WWOX: variants seen among roughly 807,000 people sequenced by gnomAD.
WWOX encodes the protein WW domain-containing oxidoreductase.
A neutral mutation model predicts 46.2 loss-of-function variants in WWOX; 69 were observed. That is an observed-to-expected ratio of 1.49 (90% confidence interval 1.23 to 1.82). The LOEUF (loss-of-function observed/expected upper bound fraction) is 1.82. Among genes scored for constraint, WWOX ranks in the 40% most tolerant of loss-of-function variants. The pLI, the probability that WWOX is intolerant of heterozygous loss-of-function variation, is 0.00. For synonymous variants in WWOX, 359 were observed against 202.6 expected (o/e 1.77, Z -6.56); for missense variants, 919 against 542.6 (o/e 1.69, Z -6.89).
intron 8 of WWOX, among the ~76,000 whole-genome samples, chr16:78,954,681 T>A (rs2046129514): frequency 6.6e-6 from 1 of 152,152 alleles, no homozygotes; most frequent in Admixed American, 6.5e-5. Context: ...ATAAATAAAT[T>A]CCTGTAATGG....
At chr16:78,541,189 G>T (rs992444634) in intron 8 of WWOX, among the ~76,000 whole-genome samples, 3 of 151,932 alleles carry the variant, frequency 2.0e-5, no homozygotes, top group African/African-American at 4.8e-5. Context: ...AAATAGACAC[G>T]TACGGCCGGG....
At chr16:78,314,676 C>T (rs2080319500) in intron 5 of WWOX, among the ~76,000 whole-genome samples, 2 of 147,320 alleles carry the variant, frequency 1.4e-5, no homozygotes, top group East Asian at 2.1e-4. Context: ...AGGCACACCC[C>T]ACCCTGCAGG....
chr16:78,758,214 A>G (rs773458111), intron 8 of WWOX, among the ~76,000 whole-genome samples: 12 of 152,200 alleles, frequency 7.9e-5, no homozygotes, highest in Admixed American at 2.6e-4. Context: ...AGATAAACCT[A>G]TATACAAAGA....
At chr16:79,069,573 T>A (rs1031141842) in intron 8 of WWOX, among the ~76,000 whole-genome samples, 5 of 149,154 alleles carry the variant, frequency 3.4e-5, no homozygotes, top group Admixed American at 2.0e-4. Flanking sequence ...TTTTTTTTTT[T>A]AAAGCTAATA....
intron 8 of WWOX, among the ~76,000 whole-genome samples, chr16:78,845,848 G>C (rs774942790): frequency 1.1e-4 from 17 of 152,200 alleles, no homozygotes; most frequent in Non-Finnish European, 2.1e-4. Flanking sequence ...GTGAATATGA[G>C]AGTGAATATT....
rs148050403 is a variant in WWOX, at chr16:78,805,079, A to G, written c.1056+372327A>G. Among the ~76,000 whole-genome samples the G allele has an allele frequency of 4.8e-3, 732 of 152,332 alleles. 7 individuals are homozygous for G. Among genetic ancestry groups the G allele is most frequent in the African/African-American group, 0.017 (692 of 41,568 alleles). On this transcript the variant is annotated intron_variant, in intron 8 of 8. Coordinates refer to ENST00000566780, the MANE Select transcript of WWOX (RefSeq NM_016373.4). ...CTTAAAAATAAAAGTACTTTTCTGC[A>G]TGTGGTCTTGTACATGAAATTAAGA... is the stretch of plus-strand genomic sequence containing the variant.
At chr16:79,176,913 C>T (rs1419289759) in intron 8 of WWOX, among the ~76,000 whole-genome samples, 1 of 152,154 alleles carries the variant, frequency 6.6e-6, no homozygotes, top group Non-Finnish European at 1.5e-5. Context: ...TTTGGCTCCC[C>T]TTCCTGTGAA....
intron 5 of WWOX, among the ~76,000 whole-genome samples, chr16:78,365,632 G>A (rs1275220378): frequency 1.3e-5 from 2 of 152,166 alleles, no homozygotes; most frequent in Non-Finnish European, 2.9e-5. Flanking sequence ...TCTATAGACT[G>A]CCTACCACCT....
intron 8 of WWOX, among the ~76,000 whole-genome samples, chr16:79,107,002 G>T (rs773917844): frequency 6.6e-6 from 1 of 151,750 alleles, no homozygotes; most frequent in Non-Finnish European, 1.5e-5. Flanking sequence ...GTAGAGTTGG[G>T]GTTTCACCAT....
At chr16:78,456,664 T>C (rs1597111039) in intron 8 of WWOX, among the ~76,000 whole-genome samples, 2 of 152,238 alleles carry the variant, frequency 1.3e-5, no homozygotes, top group Non-Finnish European at 1.5e-5. Flanking sequence ...CATCCTGATA[T>C]ATTTTTTGTT....
Position 79,212,279 on chromosome 16 carries a change from G to A in WWOX, c.*483G>A. The A allele has an allele frequency of 8.4e-7, 1 of 1,188,602 alleles. No homozygotes were observed. Among genetic ancestry groups the A allele is most frequent in the Non-Finnish European group, 1.1e-6 (1 of 878,032 alleles). 73.6% of individuals were successfully genotyped at this position (1,188,602 alleles called of 1,614,324 possible). A position where few individuals can be genotyped will look rare whatever the true frequency, so the allele number is the denominator to read the frequency against. ...TAATTGTTTCATTCATCCTGACCAA[G>A]ACTGAGCCAGCTTAGCAACTGCTGG... On this transcript the variant is annotated 3_prime_UTR_variant, in exon 9 of 9. Coordinates refer to ENST00000566780, the MANE Select transcript of WWOX (RefSeq NM_016373.4).
chr16:78,290,280 T>TCCCCA (rs2079840063), intron 5 of WWOX, among the ~76,000 whole-genome samples: 1 of 137,268 alleles, frequency 7.3e-6, no homozygotes, highest in Non-Finnish European at 1.6e-5. Context: ...CCCTCCTCGT[T>TCCCCA]CCCCCCCCCA....
intron 4 of WWOX, among the ~76,000 whole-genome samples, chr16:78,149,878 G>T (rs746552305): frequency 6.6e-6 from 1 of 152,124 alleles, no homozygotes; most frequent in Non-Finnish European, 1.5e-5. Context: ...AGGAAACACT[G>T]TGTCTTCCTC....
intron 8 of WWOX, among the ~76,000 whole-genome samples, chr16:79,155,356 C>A (rs1597427635): frequency 6.6e-6 from 1 of 151,880 alleles, no homozygotes; most frequent in African/African-American, 2.4e-5. Flanking sequence ...AGCCTGGCGA[C>A]AGAGGGAGAC....
At position 78,682,564 on chromosome 16, in the gene WWOX, T is replaced by C. The variant is rs534473617; in HGVS notation, c.1056+249812T>C. The stretch of plus-strand genomic sequence containing the variant: ...TGCCATGGCACTCCAGCCTGGGTGA[T>C]AGAGCGAGACCCTGTCTCTGAAGAT... On this transcript the variant is annotated intron_variant, in intron 8 of 8. Transcript: ENST00000566780. Among the ~76,000 whole-genome samples, 6 of 151,994 alleles carry C rather than the reference T, an allele frequency of 3.9e-5. No homozygotes were observed. In the East Asian group the frequency reaches 5.8e-4, roughly 15 times the overall value.
chr16:78,906,182 G>A (rs1274152403), intron 8 of WWOX, among the ~76,000 whole-genome samples: 1 of 152,120 alleles, frequency 6.6e-6, no homozygotes, highest in East Asian at 1.9e-4. Context: ...GGACATCTGG[G>A]GCAGCAGAGA....
At chr16:78,669,160 C>T (rs1375407851) in intron 8 of WWOX, among the ~76,000 whole-genome samples, 2 of 152,110 alleles carry the variant, frequency 1.3e-5, no homozygotes, top group Non-Finnish European at 2.9e-5. Context: ...GGAGAAGGGA[C>T]CCCAGAACCG....
At chr16:78,283,657 A>C (rs1485581654) in intron 5 of WWOX, among the ~76,000 whole-genome samples, 1 of 152,182 alleles carries the variant, frequency 6.6e-6, no homozygotes, top group South Asian at 2.1e-4. Context: ...ACGTATTTAC[A>C]TGGACGTTTT....
intron 8 of WWOX, among the ~76,000 whole-genome samples, chr16:79,037,173 A>T (rs549161950): frequency 6.6e-6 from 1 of 152,200 alleles, no homozygotes; most frequent in Non-Finnish European, 1.5e-5. Flanking sequence ...TGCCAGCACC[A>T]TCAGAAAAGT....
Sources: gnomAD v4.1 joint callset for allele counts (sites outside exome capture counted in the v4.1 genomes callset) on GRCh38, gnomAD v4.1.1 for gene constraint, MANE v1.5 for transcripts, NCBI Gene and HGNC (gene_info 2026-07-23, HGNC 2026-07-21) for gene names.